Variants in SMYD3 observed in about 807,000 individuals in gnomAD.
SMYD3 encodes the protein histone-lysine N-methyltransferase SMYD3.
Under a neutral mutation model 57.7 loss-of-function variants are expected in SMYD3, and 36 were observed. The ratio of observed to expected loss-of-function variants is 0.62; its 90% CI spans 0.48 to 0.82. SMYD3 has a LOEUF of 0.82. SMYD3 is among the 40% of genes least tolerant of loss of function. The pLI, the probability that SMYD3 is intolerant of heterozygous loss-of-function variation, is 0.00. For synonymous variants in SMYD3, 211 were observed against 195.0 expected (o/e 1.08, Z -0.68); for missense variants, 515 against 538.8 (o/e 0.96, Z 0.44).
chr1:246,127,890 T>C (rs1175688420), intron 5 of SMYD3, among the ~76,000 whole-genome samples: 1 of 121,816 alleles, frequency 8.2e-6, no homozygotes, highest in Non-Finnish European at 1.8e-5. Flanking sequence ...AGCAAGACTC[T>C]GTCTCAAAAA....
intron 10 of SMYD3, 99 bp from the exon 11 acceptor site, chr1:245,764,248 A>C (rs957851408): frequency 1.5e-5 from 11 of 747,520 alleles, no homozygotes; most frequent in African/African-American, 1.4e-4. Context: ...ACTAGCTGTG[A>C]ATGTTAATGA....
chr1:245,963,592 C>A (rs1217484951), intron 5 of SMYD3, among the ~76,000 whole-genome samples: 1 of 151,790 alleles, frequency 6.6e-6, no homozygotes, highest in Non-Finnish European at 1.5e-5. Context: ...GAAAAATTCC[C>A]TTATGCTTCC....
intron 5 of SMYD3, among the ~76,000 whole-genome samples, chr1:246,189,313 T>C (rs2148318552): frequency 6.6e-6 from 1 of 152,260 alleles, no homozygotes; most frequent in South Asian, 2.1e-4. Context: ...TTTTTAGACA[T>C]AAGGAAGCTG....
intron 5 of SMYD3, among the ~76,000 whole-genome samples, chr1:246,033,407 A>G (rs566221153): frequency 5.3e-5 from 8 of 152,250 alleles, no homozygotes; most frequent in Non-Finnish European, 1.0e-4. Flanking sequence ...GGATGTAAGG[A>G]AAGTGAATGT....
intron 10 of SMYD3, among the ~76,000 whole-genome samples, chr1:245,813,895 T>C (rs2048638769): frequency 1.3e-5 from 1 of 78,576 alleles, no homozygotes; most frequent in African/African-American, 4.1e-5. Flanking sequence ...TATATATATA[T>C]ATATATATAC....
chr1:246,021,251 G>T (rs1417091251), intron 5 of SMYD3, among the ~76,000 whole-genome samples: 1 of 152,170 alleles, frequency 6.6e-6, no homozygotes, highest in Non-Finnish European at 1.5e-5. Flanking sequence ...AAAGTTCAAG[G>T]AAGACAGAGG....
In SMYD3 at chr1:246,038,452, A is replaced by G. The variant is rs541837450; in HGVS notation, c.532-108515T>C. On this transcript the variant is annotated intron_variant, in intron 5 of 11. Transcript: ENST00000490107. ...CGAACAAATGAAAACTTTCGACGGA[A>G]GGCTGAGACACAAAATGGAGCGAGC... is the stretch of plus-strand genomic sequence containing the variant. Among the ~76,000 whole-genome samples the G allele has an allele frequency of 2.6e-5, 4 of 152,284 alleles. No individual in the cohort carries two copies. The South Asian group carries it at 8.3e-4, about 32-fold the overall frequency.
At chr1:246,474,708 T>G (rs1052542424) in intron 1 of SMYD3, among the ~76,000 whole-genome samples, 10 of 152,010 alleles carry the variant, frequency 6.6e-5, no homozygotes, top group Non-Finnish European at 1.3e-4. Context: ...GGTCAGCAAC[T>G]CCAAGGTTTA....
chr1:246,447,800 C>G (rs1176858334), intron 1 of SMYD3, among the ~76,000 whole-genome samples: 1 of 152,180 alleles, frequency 6.6e-6, no homozygotes, highest in African/African-American at 2.4e-5. Flanking sequence ...GATTACTGAG[C>G]TCTACTGTTT....
At chr1:246,506,769 G>C (rs2068546265) in intron 1 of SMYD3, among the ~76,000 whole-genome samples, 1 of 152,182 alleles carries the variant, frequency 6.6e-6, no homozygotes, top group Non-Finnish European at 1.5e-5. Flanking sequence ...TCCCCCTCAA[G>C]TCTGCCCAAT....
intron 1 of SMYD3, among the ~76,000 whole-genome samples, chr1:246,482,152 T>G (rs1211501437): frequency 6.6e-6 from 1 of 152,032 alleles, no homozygotes; most frequent in African/African-American, 2.4e-5. Flanking sequence ...AGCGAGACCC[T>G]GTCTCAGAAG....
chr1:246,345,974 C>CCAAGA (rs1379917787), intron 2 of SMYD3, among the ~76,000 whole-genome samples: 1 of 152,108 alleles, frequency 6.6e-6, no homozygotes, highest in Non-Finnish European at 1.5e-5. Context: ...CACCAAAAAC[C>CCAAGA]CAAGACCTAA....
intron 5 of SMYD3, among the ~76,000 whole-genome samples, chr1:246,146,744 C>A (rs2061849264): frequency 6.6e-6 from 1 of 152,160 alleles, no homozygotes; most frequent in South Asian, 2.1e-4. Flanking sequence ...CTAGCCAGAG[C>A]CACATACTCC....
chr1:245,873,811 G>A (rs1233656653), intron 8 of SMYD3, among the ~76,000 whole-genome samples: 1 of 152,200 alleles, frequency 6.6e-6, no homozygotes, highest in African/African-American at 2.4e-5. Flanking sequence ...TGGCATGTAA[G>A]ACTGTGTGAC....
At chr1:246,247,968 T>C (rs2063735998) in intron 5 of SMYD3, among the ~76,000 whole-genome samples, 2 of 152,182 alleles carry the variant, frequency 1.3e-5, no homozygotes, top group South Asian at 4.1e-4. Context: ...CCTGCTTCGC[T>C]GTCCCTCACC....
intron 5 of SMYD3, among the ~76,000 whole-genome samples, chr1:246,136,250 A>G (rs1208803215): frequency 2.0e-5 from 3 of 152,202 alleles, no homozygotes; most frequent in Non-Finnish European, 2.9e-5. Context: ...TTATCCTACA[A>G]TAACATAAAA....
At chr1:246,012,109 G>C (rs2059292594) in intron 5 of SMYD3, among the ~76,000 whole-genome samples, 1 of 152,104 alleles carries the variant, frequency 6.6e-6, no homozygotes, top group South Asian at 2.1e-4. Context: ...CTAGCCCCAA[G>C]TACTTTCCTA....
rs76022169 is a variant in SMYD3 at position 246,239,050 on chromosome 1, T to C, written c.531+88151A>G. ...CACCACGAAAGCAACGGGAGGCAGC[T>C]GCAATATTCCAGCAGGACAGTGTGT... On this transcript the variant is annotated intron_variant, in intron 5 of 11. Transcript: ENST00000490107. Among the ~76,000 whole-genome samples the C allele has an allele frequency of 0.021, 3,123 of 152,254 alleles. 227 individuals are homozygous for C. The East Asian group carries it at 0.24, about 12-fold the overall frequency.
chr1:246,249,661 A>G (rs1367599673), intron 5 of SMYD3, among the ~76,000 whole-genome samples: 1 of 152,188 alleles, frequency 6.6e-6, no homozygotes, highest in Non-Finnish European at 1.5e-5. Context: ...TTTTACCTAA[A>G]GTAACATGAA....
Sources: allele counts gnomAD v4.1 joint callset (sites outside exome capture counted in the v4.1 genomes callset), GRCh38; gene constraint gnomAD v4.1.1; transcripts MANE v1.5; gene names NCBI Gene and HGNC (gene_info 2026-07-23, HGNC 2026-07-21).